ZNF121: variants seen among roughly 807,000 people sequenced by gnomAD.
ZNF121 encodes the protein zinc finger protein 121 (clone ZHC32).
Under a neutral mutation model 2.4 loss-of-function variants are expected in ZNF121, and 1 was observed. The ratio of observed to expected loss-of-function variants is 0.41; its 90% CI spans 0.15 to 1.94. The LOEUF (loss-of-function observed/expected upper bound fraction) is 1.94. Ranked by LOEUF, ZNF121 falls within the 30% of genes most tolerant of loss-of-function variation. ZNF121 has a pLI of 0.30. For synonymous variants in ZNF121, 173 were observed against 158.6 expected (o/e 1.09, Z -0.68); for missense variants, 369 against 466.3 (o/e 0.79, Z 1.92).
intron 3 of ZNF121, 126 bp downstream of exon 3, chr19:9,567,969 C>T: frequency 9.2e-7 from 1 of 1,087,968 alleles, no homozygotes; most frequent in Non-Finnish European, 1.3e-6. Context: ...GGGACCCTTG[C>T]TCTAGAGACA....
At chr19:9,574,313 T>A (rs1158821692) in intron 1 of ZNF121, among the ~76,000 whole-genome samples, 1 of 151,964 alleles carries the variant, frequency 6.6e-6, no homozygotes, top group Non-Finnish European at 1.5e-5. Flanking sequence ...GCCCGGCTCA[T>A]TTTTTGTATT....
At chr19:9,569,824 C>T (rs1431233056) in intron 1 of ZNF121, among the ~76,000 whole-genome samples, 4 of 149,114 alleles carry the variant, frequency 2.7e-5, no homozygotes, top group African/African-American at 5.0e-5. Flanking sequence ...TGAGCCACCA[C>T]GCCTGGCCGA....
chr19:9,580,349 C>T (rs1230156811), intron 1 of ZNF121, among the ~76,000 whole-genome samples: 4 of 151,238 alleles, frequency 2.6e-5, no homozygotes, highest in Non-Finnish European at 5.9e-5. Context: ...CATGTAAAGA[C>T]ATTCCCTACA....
chr19:9,565,333 T>C lies in ZNF121; in HGVS notation c.*607A>G, dbSNP rs1222844527. 2.8e-5 allele frequency: 3 copies of C among 105,788 alleles called. No homozygotes were observed. The highest frequency in any genetic ancestry group is 3.7e-5 in the Non-Finnish European group (2 of 53,716). 6.6% of individuals were successfully genotyped at this position (105,788 alleles called of 1,614,324 possible). On this transcript the variant is annotated 3_prime_UTR_variant, in exon 4 of 4. Transcript: ENST00000320451. ...ACAATCCAATCCCTTGAGAAAAGAA[T>C]GTGTATTAACAACGACTTACAAAAA... is the stretch of plus-strand genomic sequence containing the variant.
At chr19:9,573,204 T>C (rs919902479) in intron 1 of ZNF121, among the ~76,000 whole-genome samples, 1 of 152,084 alleles carries the variant, frequency 6.6e-6, no homozygotes, top group Non-Finnish European at 1.5e-5. Flanking sequence ...CCTAATGAAA[T>C]GACAATATGT....
At chr19:9,572,444 A>C (rs980629405) in intron 1 of ZNF121, among the ~76,000 whole-genome samples, 1 of 152,188 alleles carries the variant, frequency 6.6e-6, no homozygotes, top group Non-Finnish European at 1.5e-5. Flanking sequence ...AAATGCCTGA[A>C]GGGAGAAACA....
In ZNF121 at chr19:9,564,481, C is replaced by T. The variant is rs1393968778; in HGVS notation, c.*1459G>A. The T allele has an allele frequency of 6.6e-6, 1 of 152,064 alleles. No individual in the cohort carries two copies. Among genetic ancestry groups the T allele is most frequent in the Admixed American group, 6.6e-5 (1 of 15,258 alleles). The allele number at this position is 152,064 out of a possible 1,614,324, so 9.4% of individuals were successfully genotyped here. ...GGTGACTCTGAGGGGTTCAAGTCTT[C>T]AGTGGAAAAAGTAACTGTGGATGTG... On this transcript the variant is annotated 3_prime_UTR_variant, in exon 4 of 4. Coordinates refer to ENST00000320451, the MANE Select transcript of ZNF121 (RefSeq NM_001008727.5).
chr19:9,568,752 T>C (rs1022131628), intron 2 of ZNF121, among the ~76,000 whole-genome samples: 9 of 151,954 alleles, frequency 5.9e-5, no homozygotes, highest in African/African-American at 2.2e-4. Flanking sequence ...GGAAGGAAAA[T>C]AGAAATGATC....
chr19:9,575,721 C>A (rs183838318), intron 1 of ZNF121, among the ~76,000 whole-genome samples: 62 of 151,872 alleles, frequency 4.1e-4, no homozygotes, highest in Middle Eastern at 3.4e-3. Flanking sequence ...CCAGCCTGGG[C>A]AACAGAGCAA....
At chr19:9,583,372 G>A (rs1257530063) in intron 1 of ZNF121, among the ~76,000 whole-genome samples, 1 of 150,998 alleles carries the variant, frequency 6.6e-6, no homozygotes, top group African/African-American at 2.4e-5. Flanking sequence ...CATCGCCCAG[G>A]CTGGAGTGCA....
At chr19:9,580,893 C>G (rs548437685) in intron 1 of ZNF121, among the ~76,000 whole-genome samples, 1 of 152,062 alleles carries the variant, frequency 6.6e-6, no homozygotes, top group African/African-American at 2.4e-5. Context: ...CACTACCATG[C>G]GATAGAGAAT....
rs2074117826 is a variant in ZNF121 at position 9,564,542 on chromosome 19, T to C, written c.*1398A>G. 6.6e-6 allele frequency: 1 copy of C among 152,170 alleles called. No homozygotes were observed. The highest frequency in any genetic ancestry group is 6.6e-5 in the Admixed American group (1 of 15,262). 9.4% of individuals were successfully genotyped at this position (152,170 alleles called of 1,614,324 possible). A position where few individuals can be genotyped will look rare whatever the true frequency, so the allele number is the denominator to read the frequency against. ...GAGAACTAGAATTAGAAGTGGAGCC[T>C]GAAGATGTGACAGAATTGTTTCAAT... is the stretch of plus-strand genomic sequence containing the variant. On this transcript the variant is annotated 3_prime_UTR_variant, in exon 4 of 4. Coordinates refer to ENST00000320451, the MANE Select transcript of ZNF121 (RefSeq NM_001008727.5).
At chr19:9,568,294 TAAAC>T (rs1331198924) in intron 2 of ZNF121, 119 bp from the exon 3 acceptor site, 28 of 469,202 alleles carry the variant, frequency 6.0e-5, no homozygotes, top group Admixed American at 3.4e-4. Flanking sequence ...TCAAAAAAAT[TAAAC>T]AGACATAGAT....
chr19:9,572,481 T>C (rs1286137719), intron 1 of ZNF121, among the ~76,000 whole-genome samples: 1 of 152,130 alleles, frequency 6.6e-6, no homozygotes, highest in Non-Finnish European at 1.5e-5. Flanking sequence ...GGGACAAAGA[T>C]GGGAGGCAGG....
intron 1 of ZNF121, among the ~76,000 whole-genome samples, chr19:9,580,652 G>C (rs1442024280): frequency 6.6e-6 from 1 of 152,210 alleles, no homozygotes; most frequent in East Asian, 1.9e-4. Flanking sequence ...TTCAACTGTA[G>C]ACAAGAGCAA....
At position 9,563,919 on chromosome 19, in the gene ZNF121, G is replaced by T. The variant is rs2074114784; in HGVS notation, c.*2021C>A. On this transcript the variant is annotated 3_prime_UTR_variant, in exon 4 of 4. Coordinates refer to ENST00000320451, the MANE Select transcript of ZNF121 (RefSeq NM_001008727.5). ...CCCACTGTAAAACATACTGTTCAGA[G>T]ATTCCTTTCAAAATATTACCACTGA... The T allele has an allele frequency of 6.6e-6, 1 of 152,160 alleles. No individual in the cohort carries two copies. The highest frequency in any genetic ancestry group is 1.5e-5 in the Non-Finnish European group (1 of 68,040). 9.4% of individuals were successfully genotyped at this position (152,160 alleles called of 1,614,324 possible).
At chr19:9,567,705 T>A (rs1011709957) in intron 3 of ZNF121, 4 of 307,562 alleles carry the variant, frequency 1.3e-5, no homozygotes, top group Non-Finnish European at 2.0e-5. Flanking sequence ...GACAGTCCCA[T>A]CTAGGTGATG....
At chr19:9,583,471 G>A (rs935714720) in intron 1 of ZNF121, among the ~76,000 whole-genome samples, 4 of 144,230 alleles carry the variant, frequency 2.8e-5, no homozygotes, top group Middle Eastern at 3.4e-3. Context: ...GATTACAGGG[G>A]ACTGCCACCA....
Position 9,560,809 on chromosome 19 carries a change from TC to T in ZNF121, c.*5130del, listed in dbSNP as rs1390621349. 6.6e-6 allele frequency: 1 copy of T among 152,252 alleles called. No homozygotes were observed. The highest frequency in any genetic ancestry group is 1.5e-5 in the Non-Finnish European group (1 of 68,050). The allele number at this position is 152,252 out of a possible 1,614,324, so 9.4% of individuals were successfully genotyped here. A position where few individuals can be genotyped will look rare whatever the true frequency, so the allele number is the denominator to read the frequency against. On this transcript the variant is annotated 3_prime_UTR_variant, in exon 4 of 4. Coordinates refer to ENST00000320451, the MANE Select transcript of ZNF121 (RefSeq NM_001008727.5). ...TAGGCATTCACACATTGAGATGCTT[TC>T]TTCAGTTCCTTTGGACATGTACCTA...
Sources: allele counts gnomAD v4.1 joint callset (sites outside exome capture counted in the v4.1 genomes callset), GRCh38; gene constraint gnomAD v4.1.1; transcripts MANE v1.5; gene names NCBI Gene and HGNC (gene_info 2026-07-23, HGNC 2026-07-21).